Variants in LRGUK observed in about 807,000 individuals in gnomAD.
LRGUK encodes leucine rich repeats and guanylate kinase domain containing, also known as leucine-rich repeat and guanylate kinase domain-containing protein.
A neutral mutation model predicts 76.0 loss-of-function variants in LRGUK; 65 were observed. That is an observed-to-expected ratio of 0.85 (90% CI 0.70 to 1.05). The LOEUF (loss-of-function observed/expected upper bound fraction) is 1.05, where lower values mean the gene tolerates loss of function less well. LRGUK is among the 50% of genes least tolerant of loss of function. The probability of loss-of-function intolerance (pLI) is 0.00; values close to 1 mark genes in which losing one functional copy is unlikely to be tolerated. For synonymous variants in LRGUK, 268 were observed against 265.6 expected (o/e 1.01, Z -0.09); for missense variants, 758 against 732.8 (o/e 1.03, Z -0.40).
rs1287225066 is a variant in LRGUK, at chr7:134,188,147, G to A, written c.1335-3508G>A. Among the ~76,000 whole-genome samples, 3 of 152,130 alleles carry A rather than the reference G, an allele frequency of 2.0e-5. 1 individual carries two copies. Among genetic ancestry groups the A allele is most frequent in the Non-Finnish European group, 4.4e-5 (3 of 68,022 alleles). ...AACAGGCATGGTTCTTCTCCTCCTG[G>A]CAGCTTACAAAGTAGTATGAGATTT... On this transcript the variant is annotated intron_variant, in intron 11 of 15. Coordinates refer to ENST00000645682, the Ensembl canonical transcript of LRGUK.
intron 6 of LRGUK, among the ~76,000 whole-genome samples, chr7:134,159,315 C>T (rs1236228602): frequency 8.3e-6 from 1 of 120,540 alleles, no homozygotes; most frequent in Non-Finnish European, 1.7e-5. Context: ...GCAGCCTGGG[C>T]AACAGAGTAA....
chr7:134,209,661 C>T (rs887267605), exon 16 of LRGUK: 15 of 399,280 alleles, frequency 3.8e-5, no homozygotes, highest in Non-Finnish European at 6.2e-5. Context: ...CAAACCATGA[C>T]GGTCTCTCCC....
chr7:134,235,037 T>C (rs896058070), intron 16 of LRGUK, among the ~76,000 whole-genome samples: 3 of 152,212 alleles, frequency 2.0e-5, no homozygotes, highest in Admixed American at 2.0e-4. Context: ...ATTTGTCACC[T>C]AGATCACGGC....
intron 5 of LRGUK, among the ~76,000 whole-genome samples, chr7:134,152,867 A>T (rs1378902572): frequency 6.6e-6 from 1 of 152,114 alleles, no homozygotes; most frequent in Non-Finnish European, 1.5e-5. Flanking sequence ...TGGTATAGTC[A>T]CACAATAGCA....
At chr7:134,135,907 T>C (rs561683298) in intron 1 of LRGUK, among the ~76,000 whole-genome samples, 49 of 152,266 alleles carry the variant, frequency 3.2e-4, no homozygotes, top group Non-Finnish European at 5.1e-4. Flanking sequence ...CCGCCCACCT[T>C]GGCCTCCCAA....
intron 8 of LRGUK, among the ~76,000 whole-genome samples, chr7:134,176,067 G>A (rs1799464873): frequency 6.6e-6 from 1 of 152,118 alleles, no homozygotes; most frequent in African/African-American, 2.4e-5. Context: ...CTGAGGCTTG[G>A]TAGCCTTTAG....
At chr7:134,154,667 G>C (rs566776749) in intron 5 of LRGUK, among the ~76,000 whole-genome samples, 1 of 152,352 alleles carries the variant, frequency 6.6e-6, no homozygotes, top group South Asian at 2.1e-4. Flanking sequence ...AGATGTTCAG[G>C]CAACTCCTGC....
chr7:134,265,210 T>TA (rs890774196), downstream of LRGUK, among the ~76,000 whole-genome samples: 32 of 152,170 alleles, frequency 2.1e-4, no homozygotes, highest in African/African-American at 7.2e-4. Flanking sequence ...GTCTAATCTT[T>TA]AAAAAAAATT....
chr7:134,232,195 C>T (rs1801917161), intron 16 of LRGUK, among the ~76,000 whole-genome samples: 1 of 152,134 alleles, frequency 6.6e-6, no homozygotes. Context: ...TTACTACTAC[C>T]TTCTTTCTTT....
downstream of LRGUK, among the ~76,000 whole-genome samples, chr7:134,266,517 T>G (rs984953752): frequency 1.3e-5 from 2 of 152,108 alleles, no homozygotes; most frequent in African/African-American, 2.4e-5. Flanking sequence ...TTAAAACTCA[T>G]TGGATGGGCA....
chr7:134,193,814 G>T (rs183429982), intron 12 of LRGUK, among the ~76,000 whole-genome samples: 7 of 152,052 alleles, frequency 4.6e-5, no homozygotes, highest in African/African-American at 1.7e-4. Flanking sequence ...CAGACAGCCT[G>T]CCCGCCATCC....
exon 16 of LRGUK, chr7:134,209,402 G>A: frequency 2.5e-6 from 1 of 399,156 alleles, no homozygotes; most frequent in South Asian, 1.3e-4. Context: ...AGCTCTGAAG[G>A]AGGAAACCTC....
chr7:134,273,510 A>ATTTT, the LRGUK span, among the ~76,000 whole-genome samples: 5 of 148,250 alleles, frequency 3.4e-5, no homozygotes, highest in Admixed American at 2.0e-4. Flanking sequence ...CAGGCATTGC[A>ATTTT]CTTTTTTTTT....
intron 5 of LRGUK, among the ~76,000 whole-genome samples, chr7:134,151,314 A>G (rs1012966462): frequency 3.3e-5 from 5 of 152,156 alleles, no homozygotes; most frequent in Admixed American, 2.0e-4. Flanking sequence ...TGGATGAAAT[A>G]CAAAAATTCC....
chr7:134,263,419 C>CTGTGTGTGTGTGTGTGTGTGTG (rs60637538), intron 19 of LRGUK, among the ~76,000 whole-genome samples: 4,028 of 149,604 alleles, frequency 0.027, 124 homozygotes, highest in African/African-American at 0.076. Context: ...GTGTGTGTGT[C>CTGTGTGTGTGTGTGTGTGTGTG]TGTGTGCATG....
rs769671717 is a variant in LRGUK, at chr7:134,225,125, G to GAAAA, written c.1983+3228_1983+3231dup. On this transcript the variant is annotated intron_variant, in intron 16 of 19. Coordinates refer to the LRGUK transcript ENST00000285928. ...GGCTGGGGACAGGGGAACAGAACTG[G>GAAAA]AAAAAAAAAAAAAAAAAAAAAAAAC... Among the ~76,000 whole-genome samples, 9 of 60,882 alleles carry GAAAA rather than the reference G, an allele frequency of 1.5e-4. No homozygotes were observed. The East Asian group carries it at 2.2e-3, about 15-fold the overall frequency. 39.9% of individuals were successfully genotyped at this position (60,882 alleles called of 152,430 possible). A position where few individuals can be genotyped will look rare whatever the true frequency, so the allele number is the denominator to read the frequency against.
At chr7:134,155,384 G>T (rs1484302881) in intron 5 of LRGUK, among the ~76,000 whole-genome samples, 4 of 152,210 alleles carry the variant, frequency 2.6e-5, no homozygotes, top group African/African-American at 9.6e-5. Flanking sequence ...ACATCTGTTT[G>T]TAGGGCTATT....
downstream of LRGUK, among the ~76,000 whole-genome samples, chr7:134,268,421 A>G (rs950580795): frequency 6.6e-6 from 1 of 152,176 alleles, no homozygotes; most frequent in Non-Finnish European, 1.5e-5. Context: ...CTCATGCTGC[A>G]TGGCATAGAT....
the LRGUK span, among the ~76,000 whole-genome samples, chr7:134,271,524 C>T: frequency 3.3e-5 from 5 of 151,810 alleles, no homozygotes; most frequent in African/African-American, 1.2e-4. Context: ...TGTCCCATTA[C>T]TCTCCCCTCC....
Sources: allele counts gnomAD v4.1 joint callset (sites outside exome capture counted in the v4.1 genomes callset), GRCh38; gene constraint gnomAD v4.1.1; transcripts MANE v1.5; gene names NCBI Gene and HGNC (gene_info 2026-07-23, HGNC 2026-07-21).